Variants in KSR2 observed in about 807,000 individuals in gnomAD.
KSR2 encodes kinase suppressor of ras 2.
In KSR2, 25 loss-of-function variants were observed where a neutral mutation model predicts 107.8. The observed-to-expected ratio is 0.23, with a 90% CI of 0.17 to 0.32. The LOEUF is 0.32. Among genes scored for constraint, KSR2 ranks in the 10% least tolerant of loss-of-function variants. The pLI is 1.00. For missense variants in KSR2, 887 were observed against 1,268.9 expected, an observed-to-expected ratio of 0.70 and a Z score of 4.57; for synonymous variants, 480 against 507.0, an observed-to-expected ratio of 0.95 and a Z score of 0.71.
intron 14 of KSR2, among the ~76,000 whole-genome samples, chr12:117,500,293 T>C (rs531361329): frequency 6.6e-6 from 1 of 152,328 alleles, no homozygotes; most frequent in East Asian, 1.9e-4. Context: ...ACAGGCTGGC[T>C]GCAACCCAGC....
At chr12:117,726,836 A>C (rs1372715701) in intron 4 of KSR2, among the ~76,000 whole-genome samples, 1 of 152,154 alleles carries the variant, frequency 6.6e-6, no homozygotes, top group African/African-American at 2.4e-5. Context: ...ATATTTCCAC[A>C]ACAACAACAA....
At chr12:117,776,631 C>T (rs1375941689) in intron 3 of KSR2, among the ~76,000 whole-genome samples, 1 of 152,012 alleles carries the variant, frequency 6.6e-6, no homozygotes, top group Non-Finnish European at 1.5e-5. Context: ...CCTTGATGGT[C>T]GCTGTCATCT....
At chr12:117,957,760 C>CACACACAT (rs920694076) in intron 1 of KSR2, among the ~76,000 whole-genome samples, 2 of 151,266 alleles carry the variant, frequency 1.3e-5, no homozygotes, top group African/African-American at 4.9e-5. Context: ...CACACACACA[C>CACACACAT]ACACACACAC....
At chr12:117,712,294 G>A (rs975459446) in intron 4 of KSR2, among the ~76,000 whole-genome samples, 2 of 152,212 alleles carry the variant, frequency 1.3e-5, no homozygotes, top group African/African-American at 4.8e-5. Flanking sequence ...TTGGGAAGTA[G>A]TGGAAAATCT....
chr12:117,632,989 G>A (rs1490524298), intron 5 of KSR2, among the ~76,000 whole-genome samples: 8 of 152,174 alleles, frequency 5.3e-5, no homozygotes, highest in Non-Finnish European at 1.0e-4. Context: ...GAATAGTGCT[G>A]TAATGAACTG....
chr12:117,472,271 C>G (rs1188420817), intron 17 of KSR2, among the ~76,000 whole-genome samples: 1 of 152,178 alleles, frequency 6.6e-6, no homozygotes, highest in Non-Finnish European at 1.5e-5. Context: ...TTTCATAAGT[C>G]ATGACATTGT....
chr12:117,529,343 G>A (rs1312496469), intron 12 of KSR2, among the ~76,000 whole-genome samples: 3 of 152,140 alleles, frequency 2.0e-5, no homozygotes, highest in Non-Finnish European at 1.5e-5. Flanking sequence ...AGCCTCCCAA[G>A]TAGCTGCGAT....
chr12:117,464,025 GA>G lies in KSR2; in HGVS notation c.*3173del, dbSNP rs1236918492. On this transcript the variant is annotated 3_prime_UTR_variant, in exon 20 of 20. Transcript: ENST00000339824. Reference sequence around the variant, plus strand: ...AAATTTTCTCTTTGATCAGTAAAAGGAATACCAGGACAAAATGGATCTAAGC... The same window carrying G: ...AAATTTTCTCTTTGATCAGTAAAAGGATACCAGGACAAAATGGATCTAAGC... 1.3e-5 allele frequency: 2 copies of G among 152,222 alleles called. No homozygotes were observed. Among genetic ancestry groups the G allele is most frequent in the African/African-American group, 4.8e-5 (2 of 41,448 alleles). 9.4% of individuals were successfully genotyped at this position (152,222 alleles called of 1,614,324 possible).
At chr12:117,482,376 G>C (rs138214251) in intron 16 of KSR2, among the ~76,000 whole-genome samples, 350 of 152,288 alleles carry the variant, frequency 2.3e-3, no homozygotes, top group Non-Finnish European at 3.4e-3. Flanking sequence ...AACTATGAGG[G>C]ATGACAATAC....
At chr12:117,559,885 T>A (rs1877990651) in intron 7 of KSR2, among the ~76,000 whole-genome samples, 1 of 152,156 alleles carries the variant, frequency 6.6e-6, no homozygotes, top group South Asian at 2.1e-4. Context: ...TCTTACCATT[T>A]TGCACATACC....
intron 3 of KSR2, among the ~76,000 whole-genome samples, chr12:117,825,902 CGTGGATGGGTGGATGG>C (rs1373791697): frequency 2.0e-5 from 2 of 100,336 alleles, no homozygotes; most frequent in Non-Finnish European, 3.9e-5. Context: ...TGCATAGATG[CGTGGATGGGTGGATGG>C]GTGGATGGGT....
At chr12:117,615,214 TACACACACAC>T (rs57116320) in intron 5 of KSR2, among the ~76,000 whole-genome samples, 3,405 of 147,876 alleles carry the variant, frequency 0.023, 48 homozygotes, top group African/African-American at 0.035. Flanking sequence ...TCTCTTCAGT[TACACACACAC>T]ACACACACAC....
intron 5 of KSR2, among the ~76,000 whole-genome samples, chr12:117,639,587 C>A (rs1235845865): frequency 6.7e-6 from 1 of 149,922 alleles, no homozygotes; most frequent in Non-Finnish European, 1.5e-5. Context: ...ACCTCAGCCT[C>A]CCAAAGTGCT....
At chr12:117,579,953 C>T (rs919665373) in intron 6 of KSR2, among the ~76,000 whole-genome samples, 2 of 152,090 alleles carry the variant, frequency 1.3e-5, no homozygotes, top group African/African-American at 4.8e-5. Context: ...GCTTTCTTCC[C>T]CAAGAGATAT....
At chr12:117,692,523 T>TACAC (rs58851377) in intron 4 of KSR2, among the ~76,000 whole-genome samples, 1 of 123,236 alleles carries the variant, frequency 8.1e-6, no homozygotes, top group Non-Finnish European at 1.8e-5. Flanking sequence ...CACATATATA[T>TACAC]ACACACACAC....
intron 3 of KSR2, among the ~76,000 whole-genome samples, chr12:117,806,311 C>A (rs545736431): frequency 1.2e-4 from 19 of 152,272 alleles, no homozygotes; most frequent in African/African-American, 4.6e-4. Context: ...TACCCAGACG[C>A]CACCCCAGCC....
At chr12:117,838,198 C>T (rs1892319125) in intron 3 of KSR2, among the ~76,000 whole-genome samples, 3 of 152,330 alleles carry the variant, frequency 2.0e-5, no homozygotes, top group African/African-American at 7.2e-5. Context: ...GACGGAGTCT[C>T]GCACTGTCAC....
Position 117,936,827 on chromosome 12 carries a change from C to T in KSR2, c.180+31249G>A, listed in dbSNP as rs373117809. On this transcript the variant is annotated intron_variant, in intron 1 of 19. Coordinates refer to ENST00000339824, the MANE Select transcript of KSR2 (RefSeq NM_173598.6). ...TATCCCTAGCACCTAGAACATTGCA[C>T]GGCACATGGCAGGTGCCCCATACTG... Among the ~76,000 whole-genome samples the T allele has an allele frequency of 1.6e-4, 25 of 152,280 alleles. No individual in the cohort carries two copies. In the East Asian group the frequency reaches 2.5e-3, roughly 15 times the overall value.
At chr12:117,591,436 A>G (rs995529035) in intron 5 of KSR2, among the ~76,000 whole-genome samples, 1 of 151,972 alleles carries the variant, frequency 6.6e-6, no homozygotes, top group Non-Finnish European at 1.5e-5. Context: ...GACCTGGGGG[A>G]GTCTTCTCTC....
Sources: gnomAD v4.1 joint callset for allele counts (sites outside exome capture counted in the v4.1 genomes callset) on GRCh38, gnomAD v4.1.1 for gene constraint, MANE v1.5 for transcripts, NCBI Gene and HGNC (gene_info 2026-07-23, HGNC 2026-07-21) for gene names.